SLC17A1: variants seen among roughly 807,000 people sequenced by gnomAD.
The protein encoded by SLC17A1 is solute carrier family 17 member 1, also known as sodium-dependent phosphate transport protein 1.
In SLC17A1, 51 loss-of-function variants were observed where a neutral mutation model predicts 53.5. The ratio of observed to expected loss-of-function variants is 0.95; its 90% CI spans 0.76 to 1.20. SLC17A1 has a LOEUF of 1.20. SLC17A1 is among the 50% of genes most tolerant of loss of function. The probability of loss-of-function intolerance (pLI) is 0.00; values close to 1 mark genes in which losing one functional copy is unlikely to be tolerated. For missense variants in SLC17A1, 538 were observed against 568.2 expected, an observed-to-expected ratio of 0.95 and a Z score of 0.54; for synonymous variants, 179 against 198.8, an observed-to-expected ratio of 0.90 and a Z score of 0.84.
intron 3 of SLC17A1, among the ~76,000 whole-genome samples, chr6:25,822,066 C>CT (rs1334666913): frequency 6.6e-6 from 1 of 152,100 alleles, no homozygotes; most frequent in Non-Finnish European, 1.5e-5. Context: ...AGTTGGTACA[C>CT]TTAAAAAAGA....
At chr6:25,813,275 A>T in intron 6 of SLC17A1, 62 bp from the exon 7 acceptor site, 1 of 1,360,380 alleles carries the variant, frequency 7.4e-7, no homozygotes, top group South Asian at 1.2e-5. Context: ...CTTTCCCAGA[A>T]TGGCATTTTT....
At chr6:25,776,149 A>G in the SLC17A1 span, among the ~76,000 whole-genome samples, 1 of 56,164 alleles carries the variant, frequency 1.8e-5, no homozygotes, top group African/African-American at 3.2e-5. Flanking sequence ...AGAGCATGCC[A>G]AAAAAAAATG....
At chr6:25,741,307 C>T in the SLC17A1 span, among the ~76,000 whole-genome samples, 1 of 151,208 alleles carries the variant, frequency 6.6e-6, no homozygotes, top group Non-Finnish European at 1.5e-5. Flanking sequence ...CTGTGGCTCA[C>T]ACCTGTAATC....
the SLC17A1 span, chr6:25,726,987 G>A: frequency 5.0e-6 from 8 of 1,614,038 alleles, no homozygotes; most frequent in South Asian, 2.2e-5. Context: ...CCAGAAAAAG[G>A]AAGGCAAAAA....
At chr6:25,798,744 C>A (rs1279320205) in intron 12 of SLC17A1, 39 bp downstream of exon 12, 1 of 1,555,922 alleles carries the variant, frequency 6.4e-7, no homozygotes, top group South Asian at 1.2e-5. Context: ...TCCTGCATTC[C>A]CAGTTTCAAA....
chr6:25,737,039 TTAAGTTA>T, the SLC17A1 span, among the ~76,000 whole-genome samples: 1 of 152,182 alleles, frequency 6.6e-6, no homozygotes, highest in African/African-American at 2.4e-5. Context: ...AGTTTCTAGT[TTAAGTTA>T]TAATAGCCCT....
At chr6:25,765,097 A>G in the SLC17A1 span, among the ~76,000 whole-genome samples, 1 of 152,220 alleles carries the variant, frequency 6.6e-6, no homozygotes, top group South Asian at 2.1e-4. Context: ...AAAGTCACAC[A>G]CAACTGGCTT....
the SLC17A1 span, chr6:25,777,827 C>T: frequency 0.52 from 491,157 of 950,608 alleles, 136,973 homozygotes; most frequent in South Asian, 0.6. Flanking sequence ...GATATTAACC[C>T]TTTGTTTGCA....
chr6:25,737,518 G>A, the SLC17A1 span, among the ~76,000 whole-genome samples: 1 of 151,954 alleles, frequency 6.6e-6, no homozygotes, highest in African/African-American at 2.4e-5. Flanking sequence ...CTTCTAGCCT[G>A]TTTTACATGT....
At chr6:25,804,296 G>T (rs960633612) in intron 10 of SLC17A1, among the ~76,000 whole-genome samples, 4 of 152,238 alleles carry the variant, frequency 2.6e-5, no homozygotes, top group African/African-American at 9.6e-5. Context: ...TGAAACTTAA[G>T]TTTCATAAAT....
the SLC17A1 span, chr6:25,762,124 A>G: frequency 7.4e-7 from 1 of 1,350,488 alleles, no homozygotes; most frequent in Non-Finnish European, 1.0e-6. Flanking sequence ...GTGGTACTAA[A>G]TAAAACTAGG....
At chr6:25,725,825 C>A in the SLC17A1 span, among the ~76,000 whole-genome samples, 1 of 152,100 alleles carries the variant, frequency 6.6e-6, no homozygotes, top group Non-Finnish European at 1.5e-5. Context: ...CTTGAACGAC[C>A]CTCCCGCTCC....
At chr6:25,740,145 A>G in the SLC17A1 span, among the ~76,000 whole-genome samples, 6 of 152,210 alleles carry the variant, frequency 3.9e-5, no homozygotes, top group African/African-American at 1.2e-4. Flanking sequence ...TAGGGAAAAC[A>G]AAGCCAGAGC....
At chr6:25,782,707 CTTATCT>C (rs1763292411), downstream of SLC17A1, among the ~76,000 whole-genome samples, 1 of 152,120 alleles carries the variant, frequency 6.6e-6, no homozygotes, top group Non-Finnish European at 1.5e-5. Flanking sequence ...TTCTTTCTTT[CTTATCT>C]GTCACTTTTA....
At chr6:25,825,611 G>C (rs1292848692) in intron 3 of SLC17A1, among the ~76,000 whole-genome samples, 1 of 151,840 alleles carries the variant, frequency 6.6e-6, no homozygotes, top group Non-Finnish European at 1.5e-5. Flanking sequence ...GGTATGCCTA[G>C]GTGGCTTTTC....
At chr6:25,733,118 T>G in the SLC17A1 span, among the ~76,000 whole-genome samples, 1 of 152,228 alleles carries the variant, frequency 6.6e-6, no homozygotes, top group Non-Finnish European at 1.5e-5. Context: ...TGGGTGGAAC[T>G]GTTTCAGCAC....
At chr6:25,741,076 A>G in the SLC17A1 span, among the ~76,000 whole-genome samples, 2 of 152,184 alleles carry the variant, frequency 1.3e-5, no homozygotes, top group Non-Finnish European at 2.9e-5. Context: ...AAATAAAAGG[A>G]ATAAGTTCTA....
At chr6:25,822,450 G>A (rs1280979191) in intron 3 of SLC17A1, among the ~76,000 whole-genome samples, 3 of 152,084 alleles carry the variant, frequency 2.0e-5, no homozygotes, top group Non-Finnish European at 4.4e-5. Context: ...GATCTGCTTT[G>A]TGGAATAATT....
chr6:25,725,668 C>T, the SLC17A1 span, among the ~76,000 whole-genome samples: 1 of 152,162 alleles, frequency 6.6e-6, no homozygotes, highest in Non-Finnish European at 1.5e-5. Context: ...AATCAATCTT[C>T]GTTCACTGTA....
Sources: gnomAD v4.1 joint callset for allele counts (sites outside exome capture counted in the v4.1 genomes callset) on GRCh38, gnomAD v4.1.1 for gene constraint, MANE v1.5 for transcripts, NCBI Gene and HGNC (gene_info 2026-07-23, HGNC 2026-07-21) for gene names.